Variants in HMX1 observed in about 807,000 individuals in gnomAD.
HMX1 encodes the protein H6 family homeobox 1, also known as homeobox protein HMX1.
Under a neutral mutation model 8.9 loss-of-function variants are expected in HMX1, and 8 were observed. The ratio of observed to expected loss-of-function variants is 0.90; its 90% CI spans 0.53 to 1.63. HMX1 has a LOEUF of 1.63. Ranked by LOEUF, HMX1 falls within the 40% of genes most tolerant of loss-of-function variation. The probability of loss-of-function intolerance (pLI) is 0.00; values close to 1 mark genes in which losing one functional copy is unlikely to be tolerated. For missense variants in HMX1, 621 were observed against 558.5 expected (o/e 1.11, Z -1.13); for synonymous variants, 311 against 283.4 (o/e 1.10, Z -0.98).
intron 1 of HMX1, chr4:8,858,788 G>C (rs909076136): frequency 1.3e-5 from 2 of 152,296 alleles, no homozygotes; most frequent in African/African-American, 4.8e-5. Flanking sequence ...ACTGGGCCCC[G>C]TCGAGAATGA....
rs754542646 is a variant in HMX1 at position 8,867,949 on chromosome 4, G to A, written c.791C>T (p.Ala264Val). ...GGACAGGCTGGCCGCCTCCAGCTCG[G>A]CTGCCAGCTGCCGCTTCCACTTGTT... ...RRNKWKRQLAAELEAASLSPP... is the reference protein window; with the variant it reads ...RRNKWKRQLAVELEAASLSPP... Residue 264 changes from alanine (A) to valine (V), a missense_variant, in exon 2 of 2, where the codon GCC becomes GTC. Physicochemically the swap from Ala to Val is moderately conservative, Grantham distance 64. Coordinates refer to ENST00000400677, the MANE Select transcript of HMX1 (RefSeq NM_018942.3). 1 of 1,491,978 alleles carries A rather than the reference G, an allele frequency of 6.7e-7. No homozygotes were observed. The highest frequency in any genetic ancestry group is 1.3e-5 in the South Asian group (1 of 78,818). 92.4% of individuals were successfully genotyped at this position (1,491,978 alleles called of 1,614,324 possible).
intron 1 of HMX1, among the ~76,000 whole-genome samples, chr4:8,851,176 C>T (rs1466473622): frequency 6.6e-6 from 1 of 152,208 alleles, no homozygotes; most frequent in African/African-American, 2.4e-5. Flanking sequence ...CCTGAGGGCC[C>T]CCTTTGGTTT....
rs1721370816 is a variant in HMX1 at position 8,849,319 on chromosome 4, A to G, written c.395-2995T>C. ...GAAATGCAGGCAGGGCCCTACCCCA[A>G]GCTGAGTGGTGTGTGAGGACAAAGA... is the stretch of plus-strand genomic sequence containing the variant. On this transcript the variant is annotated intron_variant, in intron 1 of 1. Transcript: ENST00000506970. The surrounding 1 kb of genome is among the most constrained non-coding windows in gnomAD (Gnocchi z 6.6). 6.6e-6 allele frequency among the ~76,000 whole-genome samples: 1 copy of G among 152,044 alleles called. No homozygotes were observed. Among genetic ancestry groups the G allele is most frequent in the African/African-American group, 2.4e-5 (1 of 41,434 alleles).
rs1721528966 is a variant in HMX1, at chr4:8,853,852, T to C, written c.395-7528A>G. 6.9e-6 allele frequency among the ~76,000 whole-genome samples: 1 copy of C among 145,134 alleles called. No individual in the cohort carries two copies. Among genetic ancestry groups the C allele is most frequent in the Admixed American group, 6.7e-5 (1 of 14,980 alleles). On this transcript the variant is annotated intron_variant, in intron 1 of 1. Coordinates refer to the HMX1 transcript ENST00000506970. The surrounding 1 kb of genome is among the most constrained non-coding windows in gnomAD (Gnocchi z 4.7). The stretch of plus-strand genomic sequence containing the variant: ...TGGGCAACAAGAGCAAAATTCCATC[T>C]CAAAAAAAAGGGGGGCGGGGGAAGA...
intron 1 of HMX1, among the ~76,000 whole-genome samples, chr4:8,852,992 A>C (rs1255892202): frequency 6.6e-6 from 1 of 152,042 alleles, no homozygotes; most frequent in Non-Finnish European, 1.5e-5. Context: ...ATGGCCAAAA[A>C]AAAAAAAGCA....
rs1722208087 is a variant in HMX1 at position 8,871,310 on chromosome 4, G to C, written c.305C>G (p.Pro102Arg). 7.2e-7 allele frequency: 1 copy of C among 1,395,686 alleles called. No homozygotes were observed. The highest frequency in any genetic ancestry group is 9.2e-7 in the Non-Finnish European group (1 of 1,082,820). 86.5% of individuals were successfully genotyped at this position (1,395,686 alleles called of 1,614,324 possible). The stretch of plus-strand genomic sequence containing the variant: ...GCAGCCCAGAGCGAAGGGCGGCCCG[G>C]GACCGGGGGGCGGCCGAGGACCGAG... ...LGLGPRPPPG[P>R]GPPFALGCGG... Residue 102 changes from proline (P) to arginine (R), a missense_variant, in exon 1 of 2, where the codon CCC (proline) becomes CGC (arginine). Physicochemically the swap from Pro to Arg is moderately radical, Grantham distance 103. Transcript: ENST00000400677. The surrounding 1 kb of genome is among the most constrained non-coding windows in gnomAD (Gnocchi z 4.8).
chr4:8,864,543 G>A (rs1465915679), downstream of HMX1, among the ~76,000 whole-genome samples: 5 of 152,320 alleles, frequency 3.3e-5, no homozygotes, highest in South Asian at 2.1e-4. Context: ...CGATGGCGCC[G>A]GAGCTCAGGA....
At chr4:8,864,756 T>C (rs10046943), downstream of HMX1, among the ~76,000 whole-genome samples, 10,069 of 152,176 alleles carry the variant, frequency 0.066, 1,102 homozygotes, top group African/African-American at 0.22. Context: ...TTGGGATCTG[T>C]TTTCTCTCTT....
rs545392979 is a variant in HMX1, at chr4:8,851,115, G to T, written c.395-4791C>A. 1.1e-4 allele frequency among the ~76,000 whole-genome samples: 17 copies of T among 152,358 alleles called. No homozygotes were observed. The South Asian group carries it at 2.1e-3, about 19-fold the overall frequency. ...TGGAGCACCTTAGCCAGCTGCCCAAGCAGCCGTCGTTACTGAGCAGGGAGA... is the reference window on the plus strand; with the variant it reads ...TGGAGCACCTTAGCCAGCTGCCCAATCAGCCGTCGTTACTGAGCAGGGAGA... On this transcript the variant is annotated intron_variant, in intron 1 of 1. Transcript: ENST00000506970.
Position 8,870,925 on chromosome 4 carries a change from T to C in HMX1, c.394+296A>G, listed in dbSNP as rs1230256641. Among the ~76,000 whole-genome samples, 1 of 151,894 alleles carries C rather than the reference T, an allele frequency of 6.6e-6. No individual in the cohort carries two copies. The highest frequency in any genetic ancestry group is 1.5e-5 in the Non-Finnish European group (1 of 67,974). ...TCCTCTTTCACTCTCCTTTCTTTTT[T>C]CTTTGGCCTCCTGTTGTCCCCTGTC... On this transcript the variant is annotated intron_variant, in intron 1 of 1. Coordinates refer to ENST00000400677, the MANE Select transcript of HMX1 (RefSeq NM_018942.3). This position sits in a 1 kb window ranked among gnomAD's most constrained non-coding sequence, Gnocchi z 4.4.
chr4:8,867,613 CCT>C lies in HMX1; in HGVS notation c.*78_*79del. ...AGCGACCATCCCTTCCCTAACGCCC[CCT>C]GAGCCCTGCGCCTGCCGCTGAATCG... On this transcript the variant is annotated 3_prime_UTR_variant, in exon 2 of 2. Coordinates refer to ENST00000400677, the MANE Select transcript of HMX1 (RefSeq NM_018942.3). The C allele has an allele frequency of 8.4e-7, 1 of 1,196,866 alleles. No homozygotes were observed. The highest frequency in any genetic ancestry group is 1.0e-6 in the Non-Finnish European group (1 of 965,076). The allele number at this position is 1,196,866 out of a possible 1,614,324, so 74.1% of individuals were successfully genotyped here.
intron 1 of HMX1, among the ~76,000 whole-genome samples, chr4:8,851,461 T>C (rs979919335): frequency 1.3e-5 from 2 of 152,122 alleles, no homozygotes; most frequent in Non-Finnish European, 2.9e-5. Context: ...GCCAGCACAT[T>C]ACTCCTAGGA....
chr4:8,855,781 TG>T (rs1721591591), intron 1 of HMX1, among the ~76,000 whole-genome samples: 2 of 151,990 alleles, frequency 1.3e-5, no homozygotes, highest in Non-Finnish European at 2.9e-5. Flanking sequence ...AGGAAGGGCC[TG>T]GGGAGTGTGG....
chr4:8,860,763 T>A (rs999668631), intron 1 of HMX1: 1 of 152,554 alleles, frequency 6.6e-6, no homozygotes, highest in Admixed American at 6.5e-5. Flanking sequence ...CCCCATGCCC[T>A]GCCCGCAGCT....
chr4:8,866,879 G>A (rs1722014824), downstream of HMX1, among the ~76,000 whole-genome samples: 1 of 152,118 alleles, frequency 6.6e-6, no homozygotes, highest in South Asian at 2.1e-4. Flanking sequence ...CATAGAAGAG[G>A]GGCACAGCGC....
In HMX1 at chr4:8,870,313, A is replaced by G. The variant is rs1722169328; in HGVS notation, c.394+908T>C. On this transcript the variant is annotated intron_variant, in intron 1 of 1. Coordinates refer to ENST00000400677, the MANE Select transcript of HMX1 (RefSeq NM_018942.3). This position sits in a 1 kb window ranked among gnomAD's most constrained non-coding sequence, Gnocchi z 4.4. ...GGGTCTTCCTAAAGGGCAGGTACAA[A>G]AGGGAGGCAGCGACCCTGGAACCCT... 6.6e-6 allele frequency among the ~76,000 whole-genome samples: 1 copy of G among 151,862 alleles called. No homozygotes were observed. The highest frequency in any genetic ancestry group is 1.5e-5 in the Non-Finnish European group (1 of 67,938).
chr4:8,871,574 G>T lies in HMX1; in HGVS notation c.41C>A (p.Ala14Asp). 7.4e-7 allele frequency: 1 copy of T among 1,351,340 alleles called. No individual in the cohort carries two copies. The highest frequency in any genetic ancestry group is 3.1e-5 in the Admixed American group (1 of 31,880). 83.7% of individuals were successfully genotyped at this position (1,351,340 alleles called of 1,614,324 possible). Residue 14 changes from alanine to aspartate, a missense_variant, in exon 1 of 2, where the codon GCC becomes GAC. Transcript: ENST00000400677. This position sits in a 1 kb window ranked among gnomAD's most constrained non-coding sequence, Gnocchi z 4.8. ...CTCGATGAGGAAGGAGGAGGCGCGG[G>T]CCGGCGTGGCGCGCCCGGGCTCCGT... is the stretch of plus-strand genomic sequence containing the variant. ...ELTEPGRATP[A>D]RASSFLIENL... is the part of the protein sequence containing the mutation.
downstream of HMX1, among the ~76,000 whole-genome samples, chr4:8,866,498 G>A (rs1325660908): frequency 6.6e-6 from 1 of 152,232 alleles, no homozygotes; most frequent in Non-Finnish European, 1.5e-5. Flanking sequence ...CAGAATAGGG[G>A]AACGAGCTCT....
At chr4:8,856,664 C>T (rs1377141061) in intron 1 of HMX1, among the ~76,000 whole-genome samples, 3 of 152,216 alleles carry the variant, frequency 2.0e-5, no homozygotes, top group Admixed American at 6.5e-5. Context: ...TCCCTAAGTA[C>T]ATTCACTTCC....
Sources: allele counts gnomAD v4.1 joint callset (sites outside exome capture counted in the v4.1 genomes callset), GRCh38; gene constraint gnomAD v4.1.1; non-coding constraint Gnocchi (gnomAD v3.1); transcripts MANE v1.5; gene names NCBI Gene and HGNC (gene_info 2026-07-23, HGNC 2026-07-21).